HTR2C: variants seen among roughly 807,000 people sequenced by gnomAD.
HTR2C encodes 5-hydroxytryptamine receptor 2C.
Under a neutral mutation model 21.0 loss-of-function variants are expected in HTR2C, and 5 were observed. The ratio of observed to expected loss-of-function variants is 0.24; its 90% CI spans 0.12 to 0.50. The LOEUF is 0.50. Ranked by LOEUF, HTR2C falls within the 20% of genes least tolerant of loss-of-function variation. The pLI is 0.98. For synonymous variants in HTR2C, 150 were observed against 145.3 expected, an observed-to-expected ratio of 1.03 and a Z score of -0.23; for missense variants, 271 against 371.2, an observed-to-expected ratio of 0.73 and a Z score of 2.22.
At chrX:114,843,549 G>T (rs1163712806) in intron 4 of HTR2C, among the ~76,000 whole-genome samples, 2 of 110,997 alleles carry the variant, frequency 1.8e-5, no homozygotes, top group Non-Finnish European at 3.8e-5. Flanking sequence ...AGATTAAAAG[G>T]ATCAGAAAAA....
At chrX:114,765,294 C>G (rs1252243124) in intron 4 of HTR2C, among the ~76,000 whole-genome samples, 3 of 110,995 alleles carry the variant, frequency 2.7e-5, no homozygotes, top group Non-Finnish European at 5.7e-5. Context: ...ATGCCAAGAG[C>G]CTTTTAACTG....
At position 114,908,796 on chromosome X, in the gene HTR2C, A is replaced by G. The variant is rs1444984289; in HGVS notation, c.*1381A>G. On this transcript the variant is annotated 3_prime_UTR_variant, in exon 6 of 6. Coordinates refer to ENST00000276198, the MANE Select transcript of HTR2C (RefSeq NM_000868.4). ...TCAGTAGCATTTTAATAGTTTCTAA[A>G]CCATGAAAAGTTTTCAAGCATTGCT... is the stretch of plus-strand genomic sequence containing the variant. 2 of 112,737 alleles carry G rather than the reference A, an allele frequency of 1.8e-5. No homozygotes were observed. Among genetic ancestry groups the G allele is most frequent in the Non-Finnish European group, 3.8e-5 (2 of 53,293 alleles). The allele number at this position is 112,737 out of a possible 1,213,427, so 9.3% of individuals were successfully genotyped here. A position where few individuals can be genotyped will look rare whatever the true frequency, so the allele number is the denominator to read the frequency against.
chrX:114,695,340 G>A (rs1556415747), intron 2 of HTR2C, among the ~76,000 whole-genome samples: 1 of 111,754 alleles, frequency 8.9e-6, no homozygotes, highest in Non-Finnish European at 1.9e-5. Context: ...GCTAAGACTA[G>A]GATTGGAAGG....
intron 4 of HTR2C, among the ~76,000 whole-genome samples, chrX:114,758,348 G>A (rs1386427696): frequency 9.1e-6 from 1 of 110,213 alleles, no homozygotes; most frequent in Non-Finnish European, 1.9e-5. Flanking sequence ...AACCATTTGA[G>A]ACCAAAATTT....
In HTR2C at chrX:114,724,662, C is replaced by A. The variant is rs781924773; in HGVS notation, c.-79-2196C>A. Among the ~76,000 whole-genome samples the A allele has an allele frequency of 1.1e-3, 116 of 105,993 alleles. 2 individuals are homozygous for A. The South Asian group carries it at 0.053, about 48-fold the overall frequency. 92.0% of individuals were successfully genotyped at this position (105,993 alleles called of 115,157 possible). A position where few individuals can be genotyped will look rare whatever the true frequency, so the allele number is the denominator to read the frequency against. Reference sequence around the variant, plus strand: ...TTTGCAATGGCTGGTACCACTTGTTCCTTTCCATGTTTAGCCCTTCCTTCA... The same window carrying A: ...TTTGCAATGGCTGGTACCACTTGTTACTTTCCATGTTTAGCCCTTCCTTCA... On this transcript the variant is annotated intron_variant, in intron 2 of 5. Coordinates refer to ENST00000276198, the MANE Select transcript of HTR2C (RefSeq NM_000868.4).
rs782597044 is a variant in HTR2C, at chrX:114,825,359, C to G, written c.350-22644C>G. Reference sequence around the variant, plus strand: ...TCAAATTATTTTTTAACTTCATTTGCCTTTTCCTTTTGAAACATGAATTAT... The same window carrying G: ...TCAAATTATTTTTTAACTTCATTTGGCTTTTCCTTTTGAAACATGAATTAT... On this transcript the variant is annotated intron_variant, in intron 4 of 5. Coordinates refer to ENST00000276198, the MANE Select transcript of HTR2C (RefSeq NM_000868.4). 1.6e-4 allele frequency among the ~76,000 whole-genome samples: 18 copies of G among 111,466 alleles called. No homozygotes were observed. The South Asian group carries it at 5.9e-3, about 37-fold the overall frequency.
intron 5 of HTR2C, among the ~76,000 whole-genome samples, chrX:114,858,732 A>G (rs1427543735): frequency 1.8e-5 from 2 of 110,827 alleles, no homozygotes; most frequent in East Asian, 2.8e-4. Flanking sequence ...AGTGTTTAAT[A>G]CAAGTGGAAG....
At chrX:114,628,836 A>G (rs1556403555) in intron 2 of HTR2C, among the ~76,000 whole-genome samples, 1 of 112,100 alleles carries the variant, frequency 8.9e-6, no homozygotes, top group Non-Finnish European at 1.9e-5. Flanking sequence ...GCACACTGAG[A>G]GCAATATAAG....
intron 4 of HTR2C, among the ~76,000 whole-genome samples, chrX:114,773,042 T>G (rs919275386): frequency 9.0e-6 from 1 of 111,689 alleles, no homozygotes; most frequent in Non-Finnish European, 1.9e-5. Context: ...TCTCTAAACT[T>G]GATTTTGTCT....
At position 114,775,753 on chromosome X, in the gene HTR2C, G is replaced by A. The variant is rs1344255733; in HGVS notation, c.349+44146G>A. The A allele has an allele frequency of 1.4e-5, 7 of 509,920 alleles. No individual in the cohort carries two copies. In the South Asian group the frequency reaches 2.0e-4, roughly 15 times the overall value. 42.0% of individuals were successfully genotyped at this position (509,920 alleles called of 1,213,427 possible). ...CTTGGAGAAGCTTCTGAATCTTGGG[G>A]ATATGAGTATAACCACCAATAGAGA... On this transcript the variant is annotated intron_variant, in intron 4 of 5. Transcript: ENST00000276198.
intron 1 of HTR2C, among the ~76,000 whole-genome samples, chrX:114,606,505 A>G (rs1468416801): frequency 1.8e-5 from 2 of 111,665 alleles, no homozygotes; most frequent in African/African-American, 6.5e-5. Context: ...GGGTCCACGG[A>G]TAAAACATGT....
At chrX:114,852,962 C>T (rs1034508555) in intron 5 of HTR2C, among the ~76,000 whole-genome samples, 1 of 111,482 alleles carries the variant, frequency 9.0e-6, no homozygotes, top group Admixed American at 9.6e-5. Context: ...GTTGATTGAT[C>T]AAAGGGTACA....
At chrX:114,761,898 T>TACGTGTATATAC (rs2069873981) in intron 4 of HTR2C, among the ~76,000 whole-genome samples, 26 of 105,494 alleles carry the variant, frequency 2.5e-4, no homozygotes, top group African/African-American at 9.3e-4. Flanking sequence ...TGTGTATATA[T>TACGTGTATATAC]ACATATATGT....
intron 2 of HTR2C, among the ~76,000 whole-genome samples, chrX:114,649,577 G>A (rs1471246799): frequency 9.0e-6 from 1 of 111,463 alleles, no homozygotes; most frequent in Admixed American, 9.6e-5. Context: ...CATCTTTTCT[G>A]TGTTATTTTT....
intron 4 of HTR2C, chrX:114,775,226 G>A: frequency 1.9e-6 from 1 of 520,818 alleles, no homozygotes; most frequent in South Asian, 2.3e-5. Context: ...ATATGTTCAT[G>A]TCTTCCTTGC....
chrX:114,678,526 A>T (rs1346935512), intron 2 of HTR2C, among the ~76,000 whole-genome samples: 1 of 111,537 alleles, frequency 9.0e-6, no homozygotes, highest in Non-Finnish European at 1.9e-5. Context: ...CAGATTGGCG[A>T]TTAGTAGGCA....
chrX:114,856,779 C>T (rs1476643244), intron 5 of HTR2C, among the ~76,000 whole-genome samples: 1 of 111,168 alleles, frequency 9.0e-6, no homozygotes, highest in Non-Finnish European at 1.9e-5. Context: ...TGGCTTCTTT[C>T]CCCAAAAGTA....
intron 2 of HTR2C, among the ~76,000 whole-genome samples, chrX:114,719,000 A>C (rs1933094248): frequency 9.9e-6 from 1 of 101,052 alleles, no homozygotes; most frequent in Non-Finnish European, 2.0e-5. Flanking sequence ...AATATAATAT[A>C]TAATAATAAT....
chrX:114,638,780 G>T (rs1428093709), intron 2 of HTR2C, among the ~76,000 whole-genome samples: 1 of 98,830 alleles, frequency 1.0e-5, no homozygotes, highest in Non-Finnish European at 2.0e-5. Flanking sequence ...GCAGTGTTTG[G>T]TTTTTTGTTC....
Sources: gnomAD v4.1 joint callset for allele counts (sites outside exome capture counted in the v4.1 genomes callset) on GRCh38, gnomAD v4.1.1 for gene constraint, MANE v1.5 for transcripts, NCBI Gene and HGNC (gene_info 2026-07-23, HGNC 2026-07-21) for gene names.